STK33: variants seen among roughly 807,000 people sequenced by gnomAD.
STK33 encodes the protein serine/threonine kinase 33.
STK33 carries 52 observed loss-of-function variants against 58.0 expected under a neutral mutation model. The ratio of observed to expected loss-of-function variants is 0.90; its 90% CI spans 0.72 to 1.13. The LOEUF (loss-of-function observed/expected upper bound fraction) is 1.13, where lower values mean the gene tolerates loss of function less well. Ranked by LOEUF, STK33 falls within the 50% of genes most tolerant of loss-of-function variation. The pLI, the probability that STK33 is intolerant of heterozygous loss-of-function variation, is 0.00. For synonymous variants in STK33, 215 were observed against 200.1 expected, an observed-to-expected ratio of 1.07 and a Z score of -0.63; for missense variants, 630 against 604.2, an observed-to-expected ratio of 1.04 and a Z score of -0.45.
At chr11:8,501,868 C>T (rs908097067) in intron 1 of STK33, among the ~76,000 whole-genome samples, 2 of 152,150 alleles carry the variant, frequency 1.3e-5, no homozygotes, top group Admixed American at 1.3e-4. Flanking sequence ...TATTATTTGG[C>T]CACTGATATA....
chr11:8,397,170 T>G (rs1849507795), intron 15 of STK33, among the ~76,000 whole-genome samples: 1 of 152,248 alleles, frequency 6.6e-6, no homozygotes, highest in Admixed American at 6.5e-5. Context: ...CCTCCTCAAG[T>G]GGGTCCCTGA....
chr11:8,339,178 G>A, the STK33 span, among the ~76,000 whole-genome samples: 1 of 152,258 alleles, frequency 6.6e-6, no homozygotes, highest in East Asian at 1.9e-4. Context: ...ACCAAAGGAG[G>A]GGTTTGGGGA....
chr11:8,465,512 T>C (rs759380742), intron 6 of STK33: 3 of 152,220 alleles, frequency 2.0e-5, no homozygotes, highest in Admixed American at 1.3e-4. Flanking sequence ...TGGTTTGCAT[T>C]GTAAATAATA....
At chr11:8,403,348 G>C (rs1014663944) in intron 15 of STK33, among the ~76,000 whole-genome samples, 1 of 152,144 alleles carries the variant, frequency 6.6e-6, no homozygotes, top group Admixed American at 6.5e-5. Flanking sequence ...GATATAAAGG[G>C]ACCAGAGAAT....
intron 1 of STK33, among the ~76,000 whole-genome samples, chr11:8,513,894 T>A (rs1266485283): frequency 6.6e-6 from 1 of 152,180 alleles, no homozygotes; most frequent in East Asian, 1.9e-4. Context: ...TGCAGTGCTA[T>A]CAAATACGAG....
the STK33 span, among the ~76,000 whole-genome samples, chr11:8,342,417 C>T: frequency 6.6e-6 from 1 of 152,322 alleles, no homozygotes; most frequent in African/African-American, 2.4e-5. Flanking sequence ...GGTAAGATGT[C>T]ATCTTTAGTT....
the STK33 span, among the ~76,000 whole-genome samples, chr11:8,345,107 G>T: frequency 1.3e-5 from 2 of 152,068 alleles, no homozygotes; most frequent in African/African-American, 4.8e-5. Context: ...TTCCCTCTAT[G>T]CTTGGCCCCA....
chr11:8,426,983 CT>C (rs1270679687), intron 14 of STK33, among the ~76,000 whole-genome samples: 73 of 152,158 alleles, frequency 4.8e-4, no homozygotes, highest in African/African-American at 1.5e-3. Context: ...AATTTTAATT[CT>C]GGGTTATCAT....
chr11:8,413,681 A>G lies in STK33; in HGVS notation c.1158T>C (p.Leu386=), dbSNP rs754853163. 1.2e-6 allele frequency: 2 copies of G among 1,612,454 alleles called. No individual in the cohort carries two copies. Residue 386 remains leucine, a synonymous_variant, in exon 15 of 16, where the codon CTT becomes CTC. Transcript: ENST00000687296. ...LDNQWLTGNK[L]SSVRPTNVLE... ...ATACATTGGTTGGTCTCACCGAAGA[A>G]AGTTTATTGCCCTAATATTAACAAT...
intron 1 of STK33, among the ~76,000 whole-genome samples, chr11:8,535,394 A>G (rs776392679): frequency 6.6e-6 from 1 of 151,958 alleles, no homozygotes; most frequent in Non-Finnish European, 1.5e-5. Context: ...ACTCAACAGG[A>G]AAAAAGACAG....
intron 1 of STK33, among the ~76,000 whole-genome samples, chr11:8,581,960 C>T (rs1425382709): frequency 6.6e-6 from 1 of 152,214 alleles, no homozygotes; most frequent in Non-Finnish European, 1.5e-5. Context: ...TAATACAGCA[C>T]TCAACAATCC....
chr11:8,578,488 A>T (rs932309878), intron 1 of STK33, among the ~76,000 whole-genome samples: 1 of 151,998 alleles, frequency 6.6e-6, no homozygotes, highest in Non-Finnish European at 1.5e-5. Flanking sequence ...TAGGCAAAAA[A>T]TCAAGGTGCA....
the STK33 span, among the ~76,000 whole-genome samples, chr11:8,363,646 C>T: frequency 1.3e-5 from 2 of 152,234 alleles, no homozygotes; most frequent in Admixed American, 6.5e-5. Context: ...CTTTGCACAG[C>T]GGTGCGTGCA....
At chr11:8,340,205 G>C in the STK33 span, among the ~76,000 whole-genome samples, 1 of 152,180 alleles carries the variant, frequency 6.6e-6, no homozygotes, top group East Asian at 1.9e-4. Context: ...GAATGAAGGG[G>C]CTTCCCTTGA....
At chr11:8,475,278 C>T (rs1332424444) in intron 4 of STK33, 3 of 167,922 alleles carry the variant, frequency 1.8e-5, no homozygotes, top group African/African-American at 2.4e-5. Context: ...GGGTTGATAC[C>T]ACTTTTTAAA....
chr11:8,511,893 T>C (rs1010726357), intron 1 of STK33, among the ~76,000 whole-genome samples: 4 of 152,186 alleles, frequency 2.6e-5, no homozygotes, highest in Non-Finnish European at 5.9e-5. Flanking sequence ...TGTTGAAGAT[T>C]TTTGCATCTA....
At chr11:8,517,578 G>A (rs145541374) in intron 1 of STK33, among the ~76,000 whole-genome samples, 652 of 152,272 alleles carry the variant, frequency 4.3e-3, no homozygotes, top group Non-Finnish European at 7.8e-3. Context: ...TTGCAAAGAA[G>A]CTAAAAACCT....
At chr11:8,479,341 G>A (rs1168477376) in intron 2 of STK33, among the ~76,000 whole-genome samples, 1 of 151,416 alleles carries the variant, frequency 6.6e-6, no homozygotes, top group Non-Finnish European at 1.5e-5. Context: ...GCTGAGGCAG[G>A]AGAATCGCTT....
At chr11:8,541,595 C>T (rs1055730895) in intron 1 of STK33, among the ~76,000 whole-genome samples, 1 of 152,122 alleles carries the variant, frequency 6.6e-6, no homozygotes, top group African/African-American at 2.4e-5. Flanking sequence ...AAAGTATGTT[C>T]CATACATATC....
Sources: allele counts gnomAD v4.1 joint callset (sites outside exome capture counted in the v4.1 genomes callset), GRCh38; gene constraint gnomAD v4.1.1; transcripts MANE v1.5; gene names NCBI Gene and HGNC (gene_info 2026-07-23, HGNC 2026-07-21).